The following DOP1B variants were observed in gnomAD, a reference collection of about 807,000 sequenced individuals.
DOP1B encodes the protein DOP1 leucine zipper like protein B.
A neutral mutation model predicts 233.5 loss-of-function variants in DOP1B; 174 were observed. The ratio of observed to expected loss-of-function variants is 0.75; its 90% CI spans 0.66 to 0.85. DOP1B has a LOEUF of 0.85. Among genes scored for constraint, DOP1B ranks in the 40% least tolerant of loss-of-function variants. The probability of loss-of-function intolerance (pLI) is 0.00; values close to 1 mark genes in which losing one functional copy is unlikely to be tolerated. For missense variants in DOP1B, 2,652 were observed against 2,846.6 expected (o/e 0.93, Z 1.56); for synonymous variants, 1,190 against 1,185.6 (o/e 1.00, Z -0.08).
chr21:36,157,618 C>G (rs369321811), intron 1 of DOP1B, among the ~76,000 whole-genome samples: 1 of 152,274 alleles, frequency 6.6e-6, no homozygotes, highest in East Asian at 1.9e-4. Context: ...AAGACCGTCC[C>G]CCCGGCCCCA....
chr21:36,169,718 T>C, intron 2 of DOP1B: 2 of 973,294 alleles, frequency 2.1e-6, no homozygotes, highest in South Asian at 1.3e-5. Flanking sequence ...TTGGCAGTGC[T>C]TCCTCATGCT....
chr21:36,230,972 T>C lies in DOP1B; in HGVS notation c.2188T>C (p.Trp730Arg). The C allele has an allele frequency of 1.2e-6, 2 of 1,613,984 alleles. No homozygotes were observed. The highest frequency in any genetic ancestry group is 8.5e-7 in the Non-Finnish European group (1 of 1,179,990). Residue 730 changes from tryptophan to arginine, a missense_variant, in exon 14 of 37, where the codon TGG becomes CGG. Physicochemically the swap from Trp to Arg is moderately radical, Grantham distance 101. Transcript: ENST00000691173. ...SSPARKNGGE[W>R]DVEKVVIDLG... ...CCCTGCCAGGAAAAACGGGGGAGAATGGGATGTTGAGAAGGTGGTCATTGA... is the reference window on the plus strand; with the variant it reads ...CCCTGCCAGGAAAAACGGGGGAGAACGGGATGTTGAGAAGGTGGTCATTGA...
intron 21 of DOP1B, among the ~76,000 whole-genome samples, chr21:36,249,444 A>C (rs2067008353): frequency 6.6e-6 from 1 of 152,120 alleles, no homozygotes; most frequent in Admixed American, 6.5e-5. Context: ...AATAGTCTCT[A>C]GTGGTTCAAA....
intron 6 of DOP1B, 45 bp downstream of exon 6, chr21:36,211,696 G>A: frequency 1.3e-6 from 2 of 1,584,474 alleles, no homozygotes. Flanking sequence ...TGTTTCCCAA[G>A]GGGTGGGATA....
At chr21:36,202,770 C>G (rs1442341181) in intron 4 of DOP1B, among the ~76,000 whole-genome samples, 2 of 152,292 alleles carry the variant, frequency 1.3e-5, no homozygotes, top group East Asian at 3.9e-4. Flanking sequence ...CGGTTTTAAG[C>G]CCAGCGCCAG....
chr21:36,288,651 A>T, intron 33 of DOP1B, 105 bp from the exon 34 acceptor site: 1 of 815,512 alleles, frequency 1.2e-6, no homozygotes, highest in Non-Finnish European at 2.0e-6. Flanking sequence ...ACCCCGTCTT[A>T]TTCATTCATT....
chr21:36,208,807 TC>T lies in DOP1B; in HGVS notation c.586del (p.Arg196AlafsTer33), dbSNP rs1298131738. On this transcript the variant is annotated frameshift_variant, in exon 5 of 37. Coordinates refer to ENST00000691173, the MANE Select transcript of DOP1B (RefSeq NM_001320714.2). LOFTEE classifies it high-confidence loss of function. The stretch of plus-strand genomic sequence containing the variant: ...GGGAGCGTCCTGGCCAGCCCGTCCA[TC>T]CGCCTCCCTGCCTCAGTCTTCGTGG... ...LWGSVLASPS[I>X]RLPASVFVVG... The T allele has an allele frequency of 6.2e-7, 1 of 1,607,438 alleles. No homozygotes were observed. The highest frequency in any genetic ancestry group is 2.3e-5 in the East Asian group (1 of 44,440).
At chr21:36,239,461 G>T (rs1218005766) in intron 17 of DOP1B, among the ~76,000 whole-genome samples, 1 of 152,194 alleles carries the variant, frequency 6.6e-6, no homozygotes, top group Non-Finnish European at 1.5e-5. Flanking sequence ...TAGGTGTGAG[G>T]CCAGGCACTC....
At position 36,211,651 on chromosome 21, in the gene DOP1B, G is replaced by A. The variant is rs2066499813; in HGVS notation, c.780G>A (p.Leu260=). The change falls in exon 6 of 37, where the codon CTG becomes CTA. Residue 260 remains leucine (L), a splice_region_variant and synonymous_variant. Coordinates refer to ENST00000691173, the MANE Select transcript of DOP1B (RefSeq NM_001320714.2). ...VLFFFPFYTC[L]DSNERAIPLL... is the part of the protein sequence containing the mutation. Reference sequence around the variant, plus strand: ...TTTTCTTCCCATTTTATACCTGTCTGGTAAGTAATTTGTACTCTTCTGGTA... The same window carrying A: ...TTTTCTTCCCATTTTATACCTGTCTAGTAAGTAATTTGTACTCTTCTGGTA... The A allele has an allele frequency of 1.9e-6, 3 of 1,613,742 alleles. No homozygotes were observed. Among genetic ancestry groups the A allele is most frequent in the South Asian group, 1.1e-5 (1 of 91,052 alleles).
At chr21:36,197,745 C>T (rs971071518) in intron 2 of DOP1B, among the ~76,000 whole-genome samples, 5 of 152,198 alleles carry the variant, frequency 3.3e-5, no homozygotes, top group African/African-American at 4.8e-5. Context: ...TGCAGTGGCT[C>T]ACGGCTGTAA....
chr21:36,221,750 T>C (rs2066625522), intron 10 of DOP1B, among the ~76,000 whole-genome samples: 1 of 151,926 alleles, frequency 6.6e-6, no homozygotes, highest in East Asian at 2.0e-4. Context: ...TAATTTTTTG[T>C]ATTTTTAGTG....
At chr21:36,205,209 T>C (rs1273714940) in intron 4 of DOP1B, among the ~76,000 whole-genome samples, 1 of 152,192 alleles carries the variant, frequency 6.6e-6, no homozygotes, top group Non-Finnish European at 1.5e-5. Context: ...GGATTTGCGG[T>C]GCCCGGCCCA....
At chr21:36,167,050 A>C (rs2065918048) in intron 2 of DOP1B, among the ~76,000 whole-genome samples, 1 of 152,202 alleles carries the variant, frequency 6.6e-6, no homozygotes, top group Non-Finnish European at 1.5e-5. Context: ...CTTGCTCTGA[A>C]GGTGGATTGC....
In DOP1B at chr21:36,245,608, C is replaced by G; in HGVS notation, c.3628C>G (p.Leu1210Val). Residue 1210 changes from leucine (L) to valine (V), a missense_variant, in exon 19 of 37, where the codon CTG (leucine) becomes GTG (valine). Leu to Val is a conservative substitution (Grantham distance 32). Transcript: ENST00000691173. The surrounding 1 kb of genome is among the most constrained non-coding windows in gnomAD (Gnocchi z 5.5). ...GCTCCAGGCCCTCACCACATCCAGGCTGCTAAAGCAGCAGCGGGAAAGGCA... is the reference window on the plus strand; with the variant it reads ...GCTCCAGGCCCTCACCACATCCAGGGTGCTAAAGCAGCAGCGGGAAAGGCA... ...LELQALTTSR[L>V]LKQQRERQEA... The G allele has an allele frequency of 6.2e-7, 1 of 1,613,464 alleles. No homozygotes were observed. Among genetic ancestry groups the G allele is most frequent in the Non-Finnish European group, 8.5e-7 (1 of 1,179,886 alleles).
chr21:36,172,978 G>A (rs572871256), intron 2 of DOP1B, among the ~76,000 whole-genome samples: 1 of 152,194 alleles, frequency 6.6e-6, no homozygotes, highest in Admixed American at 6.5e-5. Flanking sequence ...AAATTAGCCA[G>A]GCATCGTGGC....
chr21:36,193,145 T>G (rs1433613225), intron 2 of DOP1B, among the ~76,000 whole-genome samples: 2 of 152,172 alleles, frequency 1.3e-5, no homozygotes, highest in African/African-American at 4.8e-5. Flanking sequence ...AAGTAATATC[T>G]TTTCCTCATC....
intron 9 of DOP1B, among the ~76,000 whole-genome samples, chr21:36,216,678 C>G (rs991788245): frequency 1.2e-4 from 18 of 152,156 alleles, no homozygotes; most frequent in African/African-American, 4.3e-4. Flanking sequence ...GAGCCCTATA[C>G]CAGGGAAAAG....
intron 9 of DOP1B, among the ~76,000 whole-genome samples, chr21:36,217,170 A>C (rs561323917): frequency 8.6e-5 from 13 of 151,948 alleles, no homozygotes; most frequent in Non-Finnish European, 1.9e-4. Context: ...ATTCAAAAGC[A>C]CAGAGCATCT....
At chr21:36,173,605 A>G (rs891123395) in intron 2 of DOP1B, among the ~76,000 whole-genome samples, 2 of 151,748 alleles carry the variant, frequency 1.3e-5, no homozygotes, top group African/African-American at 4.8e-5. Flanking sequence ...TTGTATTTTT[A>G]GTAGAGACGG....
Sources: gnomAD v4.1 joint callset for allele counts (sites outside exome capture counted in the v4.1 genomes callset) on GRCh38, gnomAD v4.1.1 for gene constraint, Gnocchi (gnomAD v3.1) non-coding constraint, MANE v1.5 for transcripts, NCBI Gene and HGNC (gene_info 2026-07-23, HGNC 2026-07-21) for gene names.